The following HDAC1 variants were observed in gnomAD, a reference collection of about 807,000 sequenced individuals.
HDAC1 encodes the protein histone deacetylase 1, also known as protein deacetylase HDAC1.
HDAC1 carries 18 observed loss-of-function variants against 65.5 expected under a neutral mutation model. The ratio of observed to expected loss-of-function variants is 0.27; its 90% CI spans 0.19 to 0.41. The LOEUF is 0.41. HDAC1 is among the 10% of genes least tolerant of loss of function. HDAC1 has a pLI of 1.00. For missense variants in HDAC1, 373 were observed against 625.2 expected (o/e 0.60, Z 4.30); for synonymous variants, 211 against 227.9 (o/e 0.93, Z 0.67).
Position 32,329,458 on chromosome 1 carries a change from G to T in HDAC1, c.729+298G>T. 1 of 493,272 alleles carries T rather than the reference G, an allele frequency of 2.0e-6. No homozygotes were observed. The highest frequency in any genetic ancestry group is 3.7e-6 in the Non-Finnish European group (1 of 272,584). 30.6% of individuals were successfully genotyped at this position (493,272 alleles called of 1,614,324 possible). A position where few individuals can be genotyped will look rare whatever the true frequency, so the allele number is the denominator to read the frequency against. The stretch of plus-strand genomic sequence containing the variant: ...TACCCAGTAGTCTATGATTAGTACT[G>T]TTTTTGTATCTCCATTTCTTTGGGC... On this transcript the variant is annotated intron_variant, in intron 7 of 13. Coordinates refer to ENST00000373548, the MANE Select transcript of HDAC1 (RefSeq NM_004964.3). This position sits in a 1 kb window ranked among gnomAD's most constrained non-coding sequence, Gnocchi z 4.1.
intron 1 of HDAC1, among the ~76,000 whole-genome samples, chr1:32,300,294 A>G (rs1640829301): frequency 6.6e-6 from 1 of 151,932 alleles, no homozygotes; most frequent in Non-Finnish European, 1.5e-5. Flanking sequence ...TAATTCAGAT[A>G]TAAAACAATC....
rs780814077 is a variant in HDAC1, at chr1:32,331,845, T to C, written c.1219+39T>C. On this transcript the variant is annotated intron_variant, in intron 11 of 13. Transcript: ENST00000373548. The surrounding 1 kb of genome is among the most constrained non-coding windows in gnomAD (Gnocchi z 4.2). ...CTAGAGCCCTATGCCTTCCATTCAA[T>C]AGGCAGCTCACACTTCCACCACCAT... 1.2e-5 allele frequency: 18 copies of C among 1,563,618 alleles called. No individual in the cohort carries two copies. In the South Asian group the frequency reaches 2.0e-4, roughly 17 times the overall value.
At chr1:32,295,954 T>C (rs557495448) in intron 1 of HDAC1, among the ~76,000 whole-genome samples, 6 of 152,246 alleles carry the variant, frequency 3.9e-5, no homozygotes, top group East Asian at 3.9e-4. Context: ...ATAAGTTATA[T>C]AGAATTCCAG....
chr1:32,321,963 G>A lies in HDAC1; in HGVS notation c.281-2516G>A, dbSNP rs74537371. Among the ~76,000 whole-genome samples, 1,169 of 152,220 alleles carry A rather than the reference G, an allele frequency of 7.7e-3. 7 individuals carry two copies. Among genetic ancestry groups the A allele is most frequent in the Admixed American group, 0.011 (167 of 15,274 alleles). On this transcript the variant is annotated intron_variant, in intron 3 of 13. Transcript: ENST00000373548. Reference sequence around the variant, plus strand: ...CAGGAAGTGAGGAAGAGACCCACCCGCTGCACACTCCCTCATGCAGCCATG... The same window carrying A: ...CAGGAAGTGAGGAAGAGACCCACCCACTGCACACTCCCTCATGCAGCCATG...
intron 2 of HDAC1, among the ~76,000 whole-genome samples, chr1:32,314,669 A>T (rs1051522593): frequency 6.6e-6 from 1 of 151,886 alleles, no homozygotes; most frequent in Non-Finnish European, 1.5e-5. Context: ...TACTAAATGT[A>T]CAAAAAATTA....
chr1:32,323,902 C>T (rs1036011305), intron 3 of HDAC1, among the ~76,000 whole-genome samples: 8 of 152,110 alleles, frequency 5.3e-5, no homozygotes, highest in East Asian at 3.8e-4. Context: ...CCTCAAGAAA[C>T]GAACCAACAT....
At chr1:32,299,590 C>T (rs889343043) in intron 1 of HDAC1, among the ~76,000 whole-genome samples, 1 of 152,166 alleles carries the variant, frequency 6.6e-6, no homozygotes, top group Non-Finnish European at 1.5e-5. Context: ...GATCAAGGCT[C>T]ATGCCTTTTT....
At chr1:32,313,555 G>T (rs139145692) in intron 2 of HDAC1, among the ~76,000 whole-genome samples, 1 of 152,206 alleles carries the variant, frequency 6.6e-6, no homozygotes, top group South Asian at 2.1e-4. Context: ...AAGAGTGACT[G>T]TCACAGAGGA....
In HDAC1 at chr1:32,331,056, G is replaced by C. The variant is rs1641284762; in HGVS notation, c.979+148G>C. 1.4e-6 allele frequency: 1 copy of C among 714,778 alleles called. No homozygotes were observed. The highest frequency in any genetic ancestry group is 2.4e-6 in the Non-Finnish European group (1 of 419,928). 44.3% of individuals were successfully genotyped at this position (714,778 alleles called of 1,614,324 possible). The stretch of plus-strand genomic sequence containing the variant: ...TCTCCTGCCTGTCCTCTTGTGATCA[G>C]CAGACCATAACCATCACTTTTTCCC... On this transcript the variant is annotated intron_variant, in intron 9 of 13. Coordinates refer to ENST00000373548, the MANE Select transcript of HDAC1 (RefSeq NM_004964.3). This position sits in a 1 kb window ranked among gnomAD's most constrained non-coding sequence, Gnocchi z 4.2.
chr1:32,306,520 A>T (rs1209589422), intron 2 of HDAC1, among the ~76,000 whole-genome samples: 3 of 152,146 alleles, frequency 2.0e-5, no homozygotes. Flanking sequence ...GCAGTGGCAC[A>T]GTCATAGCTC....
Position 32,332,689 on chromosome 1 carries a change from C to T in HDAC1, c.1373-12C>T, listed in dbSNP as rs760179572. ...TGCTGCCCTTGGCCATCCCTGTACTCTTGTGTTCTAGAAGTCACCGAAGAG... is the reference window on the plus strand; with the variant it reads ...TGCTGCCCTTGGCCATCCCTGTACTTTTGTGTTCTAGAAGTCACCGAAGAG... On this transcript the variant is annotated splice_polypyrimidine_tract_variant and intron_variant, in intron 12 of 13. Coordinates refer to ENST00000373548, the MANE Select transcript of HDAC1 (RefSeq NM_004964.3). 12 of 1,552,964 alleles carry T rather than the reference C, an allele frequency of 7.7e-6. No homozygotes were observed. The South Asian group carries it at 1.3e-4, about 17-fold the overall frequency.
intron 2 of HDAC1, among the ~76,000 whole-genome samples, chr1:32,303,272 C>T (rs866017737): frequency 3.3e-5 from 5 of 151,904 alleles, no homozygotes; most frequent in African/African-American, 7.3e-5. Flanking sequence ...CGAGACCATC[C>T]GGGTCAACAT....
At chr1:32,323,234 G>A (rs980612169) in intron 3 of HDAC1, among the ~76,000 whole-genome samples, 10 of 151,826 alleles carry the variant, frequency 6.6e-5, no homozygotes, top group Non-Finnish European at 1.5e-4. Flanking sequence ...CTGGAGGGCA[G>A]AGATTACAGT....
At chr1:32,332,806 T>TCC in intron 13 of HDAC1, 57 bp downstream of exon 13, 1 of 1,443,244 alleles carries the variant, frequency 6.9e-7, no homozygotes. Flanking sequence ...AGCCCCTTTG[T>TCC]CCCACCACTC....
At chr1:32,310,412 T>A (rs553012553) in intron 2 of HDAC1, among the ~76,000 whole-genome samples, 1 of 152,270 alleles carries the variant, frequency 6.6e-6, no homozygotes, top group East Asian at 1.9e-4. Context: ...CAGTTTGCAT[T>A]TTAAGACTGA....
In HDAC1 at chr1:32,318,796, G is replaced by A. The variant is rs1033550944; in HGVS notation, c.280+2014G>A. On this transcript the variant is annotated intron_variant, in intron 3 of 13. Coordinates refer to ENST00000373548, the MANE Select transcript of HDAC1 (RefSeq NM_004964.3). The stretch of plus-strand genomic sequence containing the variant: ...TCTGCTCTGGTGCGCCAATTTTTCC[G>A]AATCCAGCATTCTAAAGTTGTACAT... Among the ~76,000 whole-genome samples, 105 of 152,012 alleles carry A rather than the reference G, an allele frequency of 6.9e-4. 2 individuals are homozygous for A. Among genetic ancestry groups the A allele is most frequent in the African/African-American group, 2.1e-3 (86 of 41,392 alleles).
intron 1 of HDAC1, among the ~76,000 whole-genome samples, chr1:32,294,467 G>A (rs1489923692): frequency 2.0e-5 from 3 of 150,386 alleles, no homozygotes; most frequent in South Asian, 2.1e-4. Context: ...CAATTTGATG[G>A]TGAGTGTTTG....
In HDAC1 at chr1:32,318,904, G is replaced by A. The variant is rs550323273; in HGVS notation, c.280+2122G>A. On this transcript the variant is annotated intron_variant, in intron 3 of 13. Coordinates refer to ENST00000373548, the MANE Select transcript of HDAC1 (RefSeq NM_004964.3). ...GAGGCTGAGGCAAGCAGATCACCTG[G>A]GGTCGGGAGTTTGAGACCAGCCTGG... 7.2e-5 allele frequency among the ~76,000 whole-genome samples: 11 copies of A among 152,014 alleles called. No homozygotes were observed. In the East Asian group the frequency reaches 1.2e-3, roughly 16 times the overall value.
chr1:32,315,619 C>T (rs1641050360), intron 2 of HDAC1, among the ~76,000 whole-genome samples: 1 of 151,120 alleles, frequency 6.6e-6, no homozygotes, highest in East Asian at 2.0e-4. Flanking sequence ...TCCCAAAGTG[C>T]TGGGATTACA....
Sources: gnomAD v4.1 joint callset for allele counts (sites outside exome capture counted in the v4.1 genomes callset) on GRCh38, gnomAD v4.1.1 for gene constraint, Gnocchi (gnomAD v3.1) non-coding constraint, MANE v1.5 for transcripts, NCBI Gene and HGNC (gene_info 2026-07-23, HGNC 2026-07-21) for gene names.